Variants in TXNRD3 observed in about 807,000 individuals in gnomAD.
The protein encoded by TXNRD3 is thioredoxin reductase 3, also known as TXNRD3 neighbor gene protein.
TXNRD3 carries 68 observed loss-of-function variants against 78.2 expected under a neutral mutation model. The observed-to-expected ratio is 0.87, with a 90% CI of 0.72 to 1.06. TXNRD3 has a LOEUF of 1.06. TXNRD3 is among the 50% of genes least tolerant of loss of function. The pLI is 0.00. For synonymous variants in TXNRD3, 296 were observed against 300.1 expected (o/e 0.99, Z 0.14); for missense variants, 751 against 809.5 (o/e 0.93, Z 0.88).
Position 126,607,973 on chromosome 3 carries a change from C to T in TXNRD3, c.1864G>A (p.Val622Met). Residue 622 changes from valine (V) to methionine (M), a missense_variant and splice_region_variant, in exon 16 of 16, where the codon GTG becomes ATG. Transcript: ENST00000524230. ...TTTGTGATTTCCAAAGTCGTGAACA[C>T]CTGTTCAAGAGAAAGAAAACAAATA... 1 of 1,497,664 alleles carries T rather than the reference C, an allele frequency of 6.7e-7. No homozygotes were observed. Among genetic ancestry groups the T allele is most frequent in the Non-Finnish European group, 8.9e-7 (1 of 1,119,712 alleles). The allele number at this position is 1,497,664 out of a possible 1,614,324, so 92.8% of individuals were successfully genotyped here. A position where few individuals can be genotyped will look rare whatever the true frequency, so the allele number is the denominator to read the frequency against.
chr3:126,651,147 A>C lies in TXNRD3; in HGVS notation c.243+3601T>G, dbSNP rs1029202460. Among the ~76,000 whole-genome samples the C allele has an allele frequency of 1.2e-4, 19 of 152,210 alleles. No homozygotes were observed. The East Asian group carries it at 3.7e-3, about 29-fold the overall frequency. ...GTGTCTAATTTTGGGGGATACATTT[A>C]AGAGGTTCATGGGCAAAAAGAAAAC... On this transcript the variant is annotated intron_variant, in intron 1 of 15. Coordinates refer to ENST00000524230, the MANE Select transcript of TXNRD3 (RefSeq NM_052883.3).
intron 6 of TXNRD3, among the ~76,000 whole-genome samples, chr3:126,634,794 G>C (rs1448731584): frequency 6.6e-6 from 1 of 152,146 alleles, no homozygotes; most frequent in Non-Finnish European, 1.5e-5. Flanking sequence ...GATCCCCGAA[G>C]ACAAACCAAC....
chr3:126,638,352 G>A (rs1193444458), intron 6 of TXNRD3, among the ~76,000 whole-genome samples: 1 of 152,138 alleles, frequency 6.6e-6, no homozygotes, highest in Non-Finnish European at 1.5e-5. Context: ...AGATTCTGAT[G>A]ACTTCTCTTG....
intron 1 of TXNRD3, among the ~76,000 whole-genome samples, 200 bp from the exon 2 acceptor site, chr3:126,647,496 T>G (rs1933267892): frequency 6.6e-6 from 1 of 152,178 alleles, no homozygotes; most frequent in Non-Finnish European, 1.5e-5. Context: ...ATCCCTTGCC[T>G]TCTTTTTACT....
At position 126,616,672 on chromosome 3, in the gene TXNRD3, C is replaced by T. The variant is rs182950970; in HGVS notation, c.1525-1210G>A. Among the ~76,000 whole-genome samples, 3 of 152,134 alleles carry T rather than the reference C, an allele frequency of 2.0e-5. No individual in the cohort carries two copies. In the East Asian group the frequency reaches 5.8e-4, roughly 29 times the overall value. ...CCTAGTATAGTTCTTTTTTTAGGTT[C>T]CTCTGTGATTCTACCTATTAATCCC... is the stretch of plus-strand genomic sequence containing the variant. On this transcript the variant is annotated intron_variant, in intron 12 of 15. Coordinates refer to ENST00000524230, the MANE Select transcript of TXNRD3 (RefSeq NM_052883.3).
In TXNRD3 at chr3:126,643,966, A is replaced by C; in HGVS notation, c.592+15T>G. ...TGTAAAGAGCAGAGAGGAACAACAG[A>C]GAAAAACAACTTACCCCAGGATGTG... On this transcript the variant is annotated intron_variant, in intron 5 of 15. Coordinates refer to ENST00000524230, the MANE Select transcript of TXNRD3 (RefSeq NM_052883.3). The C allele has an allele frequency of 6.5e-7, 1 of 1,533,870 alleles. No homozygotes were observed. The highest frequency in any genetic ancestry group is 8.7e-7 in the Non-Finnish European group (1 of 1,146,090).
intron 10 of TXNRD3, among the ~76,000 whole-genome samples, chr3:126,623,859 A>G (rs1687448): frequency 0.2 from 28,708 of 146,944 alleles, 3,696 homozygotes; most frequent in Admixed American, 0.29. Context: ...GGCCAAAAAA[A>G]AAAAAAAAAA....
chr3:126,651,026 G>C (rs947939021), intron 1 of TXNRD3, among the ~76,000 whole-genome samples: 2 of 152,160 alleles, frequency 1.3e-5, no homozygotes, highest in Non-Finnish European at 2.9e-5. Context: ...GCAACACTAA[G>C]CACCCAATAA....
chr3:126,644,513 A>T, intron 3 of TXNRD3, 112 bp from the exon 4 acceptor site: 2 of 737,950 alleles, frequency 2.7e-6, no homozygotes, highest in East Asian at 5.4e-5. Context: ...TCTTAGGAAA[A>T]ATCTATAATT....
intron 1 of TXNRD3, among the ~76,000 whole-genome samples, chr3:126,651,506 A>C (rs1398701010): frequency 6.6e-6 from 1 of 152,230 alleles, no homozygotes; most frequent in Admixed American, 6.5e-5. Context: ...ATCAGGAAAG[A>C]TTTGACTAAC....
intron 14 of TXNRD3, among the ~76,000 whole-genome samples, chr3:126,609,454 A>C (rs1011202530): frequency 2.0e-5 from 3 of 152,188 alleles, no homozygotes; most frequent in African/African-American, 7.2e-5. Context: ...CAGGGCCCAC[A>C]GAAGACTACT....
At chr3:126,625,835 T>C (rs1235435599) in intron 10 of TXNRD3, 2 of 152,262 alleles carry the variant, frequency 1.3e-5, no homozygotes, top group Admixed American at 6.5e-5. Context: ...TTTTTAATGA[T>C]CGCCATTCTA....
intron 5 of TXNRD3, 124 bp downstream of exon 5, chr3:126,643,857 G>A: frequency 1.1e-6 from 1 of 937,092 alleles, no homozygotes; most frequent in South Asian, 2.1e-5. Flanking sequence ...AGACTCGCTT[G>A]TTTTCTTATC....
chr3:126,612,145 C>T (rs1938213286), intron 13 of TXNRD3, among the ~76,000 whole-genome samples: 1 of 152,050 alleles, frequency 6.6e-6, no homozygotes. Flanking sequence ...TTCGAGCGAT[C>T]CTCCTGCCTC....
intron 1 of TXNRD3, among the ~76,000 whole-genome samples, chr3:126,650,241 A>G (rs2107630109): frequency 6.6e-6 from 1 of 152,350 alleles, no homozygotes. Context: ...CACTGAGCCT[A>G]GTTTCATATG....
chr3:126,647,110 T>G (rs889509272), intron 2 of TXNRD3, 126 bp downstream of exon 2: 9 of 650,758 alleles, frequency 1.4e-5, no homozygotes, highest in Non-Finnish European at 2.0e-5. Flanking sequence ...CATGGCTGAA[T>G]GTAGACAAAA....
At chr3:126,642,211 C>A in intron 5 of TXNRD3, 60 bp from the exon 6 acceptor site, 1 of 1,479,738 alleles carries the variant, frequency 6.8e-7, no homozygotes, top group Non-Finnish European at 8.9e-7. Context: ...CATCTGCAAT[C>A]ATATTATATT....
intron 10 of TXNRD3, among the ~76,000 whole-genome samples, chr3:126,623,799 C>A (rs903091044): frequency 7.6e-6 from 1 of 132,260 alleles, no homozygotes; most frequent in Non-Finnish European, 1.6e-5. Flanking sequence ...CATGCCCATT[C>A]TCACCATTTC....
At chr3:126,615,496 G>T in intron 12 of TXNRD3, 34 bp from the exon 13 acceptor site, 1 of 1,189,422 alleles carries the variant, frequency 8.4e-7, no homozygotes, top group Non-Finnish European at 1.2e-6. Context: ...GTCTTATTTT[G>T]TGAAACTTTA....
Sources: gnomAD v4.1 joint callset for allele counts (sites outside exome capture counted in the v4.1 genomes callset) on GRCh38, gnomAD v4.1.1 for gene constraint, MANE v1.5 for transcripts, NCBI Gene and HGNC (gene_info 2026-07-23, HGNC 2026-07-21) for gene names.